REC114: variants seen among roughly 807,000 people sequenced by gnomAD.
REC114 encodes REC114 meiotic recombination protein.
Under a neutral mutation model 31.3 loss-of-function variants are expected in REC114, and 27 were observed. The ratio of observed to expected loss-of-function variants is 0.86; its 90% CI spans 0.64 to 1.19. The LOEUF is 1.19. Among genes scored for constraint, REC114 ranks in the 50% most tolerant of loss-of-function variants. The pLI, the probability that REC114 is intolerant of heterozygous loss-of-function variation, is 0.00. For synonymous variants in REC114, 134 were observed against 127.7 expected, an observed-to-expected ratio of 1.05 and a Z score of -0.33; for missense variants, 344 against 326.9, an observed-to-expected ratio of 1.05 and a Z score of -0.40.
At chr15:73,520,689 G>C (rs1206965135) in intron 2 of REC114, among the ~76,000 whole-genome samples, 1 of 152,042 alleles carries the variant, frequency 6.6e-6, no homozygotes, top group Non-Finnish European at 1.5e-5. Context: ...CTTTGCAGTG[G>C]TATTAATAGA....
chr15:73,481,499 C>T (rs1893293051), intron 2 of REC114, among the ~76,000 whole-genome samples: 1 of 152,054 alleles, frequency 6.6e-6, no homozygotes, highest in South Asian at 2.1e-4. Context: ...TGACCCCATC[C>T]TCAGTTTACC....
At chr15:73,507,638 G>GGTACACATGTATGTGTACATGTAC in intron 2 of REC114, among the ~76,000 whole-genome samples, 3 of 151,816 alleles carry the variant, frequency 2.0e-5, no homozygotes, top group East Asian at 1.9e-4. Flanking sequence ...ACTATATATG[G>GGTACACATGTATGTGTACATGTAC]GTACACATGT....
At chr15:73,475,809 A>G (rs990807239) in intron 2 of REC114, among the ~76,000 whole-genome samples, 2 of 152,216 alleles carry the variant, frequency 1.3e-5, no homozygotes, top group Non-Finnish European at 2.9e-5. Context: ...TAAAGTCTAC[A>G]GTAGTGTACA....
intron 1 of REC114, 115 bp from the exon 2 acceptor site, chr15:73,473,717 G>C: frequency 3.3e-6 from 2 of 607,970 alleles, no homozygotes; most frequent in Non-Finnish European, 2.8e-6. Flanking sequence ...AAAGCAAAGA[G>C]AATGCTCGGA....
chr15:73,560,002 GTA>G lies in REC114; in HGVS notation c.*88_*89del. The G allele has an allele frequency of 1.6e-6, 2 of 1,286,362 alleles. No homozygotes were observed. Among genetic ancestry groups the G allele is most frequent in the Non-Finnish European group, 2.1e-6 (2 of 941,342 alleles). 79.7% of individuals were successfully genotyped at this position (1,286,362 alleles called of 1,614,324 possible). The stretch of plus-strand genomic sequence containing the variant: ...ATTAAAGAAGATATTAGAATAAAGA[GTA>G]TTATCCAAACACCTTTTATCAATGT... On this transcript the variant is annotated 3_prime_UTR_variant, in exon 6 of 6. Coordinates refer to ENST00000331090, the MANE Select transcript of REC114 (RefSeq NM_001042367.2).
At chr15:73,551,392 C>T (rs1894391021) in intron 4 of REC114, among the ~76,000 whole-genome samples, 1 of 152,116 alleles carries the variant, frequency 6.6e-6, no homozygotes, top group Non-Finnish European at 1.5e-5. Context: ...AAAGTGTGGT[C>T]CACGAACCCC....
At chr15:73,473,751 C>A (rs1431341675) in intron 1 of REC114, 81 bp from the exon 2 acceptor site, 3 of 748,394 alleles carry the variant, frequency 4.0e-6, no homozygotes, top group Admixed American at 5.9e-5. Flanking sequence ...TATGAGAAAA[C>A]ACTTGGTCAT....
chr15:73,545,666 C>A (rs1894298626), intron 3 of REC114, among the ~76,000 whole-genome samples: 1 of 151,452 alleles, frequency 6.6e-6, no homozygotes, highest in African/African-American at 2.4e-5. Context: ...AATTATACTC[C>A]AAAAAAAACC....
intron 1 of REC114, among the ~76,000 whole-genome samples, chr15:73,460,855 G>T (rs1250569910): frequency 1.3e-5 from 2 of 152,050 alleles, no homozygotes; most frequent in South Asian, 4.2e-4. Context: ...TTGAGTAAAT[G>T]TAGTCTATTT....
At chr15:73,459,054 C>A (rs1364899203) in intron 1 of REC114, among the ~76,000 whole-genome samples, 1 of 152,068 alleles carries the variant, frequency 6.6e-6, no homozygotes, top group South Asian at 2.1e-4. Context: ...TATGTTAATA[C>A]CTAGAACACT....
chr15:73,469,937 C>T (rs1343182877), intron 1 of REC114, among the ~76,000 whole-genome samples: 2 of 152,104 alleles, frequency 1.3e-5, no homozygotes, highest in African/African-American at 2.4e-5. Context: ...GCCACTGTGC[C>T]TGGCCTTACT....
At chr15:73,509,918 G>T (rs897462121) in intron 2 of REC114, among the ~76,000 whole-genome samples, 16 of 151,466 alleles carry the variant, frequency 1.1e-4, no homozygotes, top group Non-Finnish European at 1.8e-4. Context: ...TTGACTTGGC[G>T]ATGCAGGCTC....
chr15:73,516,147 A>G (rs1893855769), intron 2 of REC114, among the ~76,000 whole-genome samples: 1 of 151,990 alleles, frequency 6.6e-6, no homozygotes, highest in Non-Finnish European at 1.5e-5. Context: ...CACCAGGCCC[A>G]GCTAATTTTT....
rs946817941 is a variant in REC114, at chr15:73,509,309, T to G, written c.250-31176T>G. Among the ~76,000 whole-genome samples the G allele has an allele frequency of 3.2e-4, 46 of 145,300 alleles. No individual in the cohort carries two copies. In the East Asian group the frequency reaches 7.9e-3, roughly 25 times the overall value. ...ATGGGGTTGTTTTTTTCTTGTAAAT[T>G]TGTTTGAGTTCATTGTAGATTCTGG... is the stretch of plus-strand genomic sequence containing the variant. On this transcript the variant is annotated intron_variant, in intron 2 of 5. Coordinates refer to ENST00000331090, the MANE Select transcript of REC114 (RefSeq NM_001042367.2).
intron 4 of REC114, among the ~76,000 whole-genome samples, chr15:73,552,674 C>T (rs1894408797): frequency 6.6e-6 from 1 of 152,190 alleles, no homozygotes; most frequent in African/African-American, 2.4e-5. Flanking sequence ...AAGCACCTAC[C>T]TCTGTTCTTG....
intron 1 of REC114, among the ~76,000 whole-genome samples, chr15:73,451,675 C>A (rs1326618526): frequency 6.6e-6 from 1 of 151,600 alleles, no homozygotes; most frequent in African/African-American, 2.4e-5. Flanking sequence ...AGAGACACAA[C>A]AAAAAAAACG....
intron 2 of REC114, among the ~76,000 whole-genome samples, chr15:73,522,491 C>T (rs1015310871): frequency 2.0e-5 from 3 of 152,082 alleles, no homozygotes; most frequent in Non-Finnish European, 2.9e-5. Flanking sequence ...ATCTGCTTTC[C>T]GTTAGTGTAG....
chr15:73,524,280 G>A (rs1296987937), intron 2 of REC114, among the ~76,000 whole-genome samples: 6 of 152,174 alleles, frequency 3.9e-5, no homozygotes, highest in African/African-American at 1.4e-4. Context: ...AAAAGTTTAT[G>A]AGGACAGTGT....
intron 2 of REC114, among the ~76,000 whole-genome samples, chr15:73,527,577 C>G (rs1178545046): frequency 2.0e-5 from 3 of 152,150 alleles, no homozygotes; most frequent in South Asian, 2.1e-4. Context: ...CCTGTACTGT[C>G]TATTTTCTAC....
Sources: gnomAD v4.1 joint callset for allele counts (sites outside exome capture counted in the v4.1 genomes callset) on GRCh38, gnomAD v4.1.1 for gene constraint, MANE v1.5 for transcripts, NCBI Gene and HGNC (gene_info 2026-07-23, HGNC 2026-07-21) for gene names.